The following GSE1 variants were observed in gnomAD, a reference collection of about 807,000 sequenced individuals.
GSE1 encodes the protein genetic suppressor element 1.
GSE1 carries 32 observed loss-of-function variants against 112.6 expected under a neutral mutation model. The observed-to-expected ratio is 0.28, with a 90% CI of 0.21 to 0.38. The LOEUF is 0.38. Among genes scored for constraint, GSE1 ranks in the 10% least tolerant of loss-of-function variants. The probability of loss-of-function intolerance (pLI) is 1.00; values close to 1 mark genes in which losing one functional copy is unlikely to be tolerated. For missense variants in GSE1, 2,348 were observed against 1,699.2 expected (o/e 1.38, Z -6.71); for synonymous variants, 1,115 against 735.6 (o/e 1.52, Z -8.35).
At chr16:85,387,269 C>T (rs1410510801) in intron 2 of GSE1, among the ~76,000 whole-genome samples, 1 of 152,126 alleles carries the variant, frequency 6.6e-6, no homozygotes, top group Non-Finnish European at 1.5e-5. Context: ...CAGTGACTCC[C>T]CAGAACCCCC....
Position 85,312,207 on chromosome 16 carries a change from G to GGGT in GSE1, c.2284-45254_2284-45253insTGG, listed in dbSNP as rs1555559866. Among the ~76,000 whole-genome samples the GGGT allele has an allele frequency of 7.6e-4, 114 of 150,314 alleles. 21 individuals are homozygous for GGGT. The highest frequency in any genetic ancestry group is 2.5e-3 in the African/African-American group (102 of 40,414). ...TGTGGTCTCTCTGATCCTCTTGCGG[G>GGGT]GGGGGGGGGGACACACTTACCCCCA... On this transcript the variant is annotated intron_variant, in intron 1 of 2. Transcript: ENST00000637419.
At position 85,527,033 on chromosome 16, in the gene GSE1, T is replaced by C. The variant is rs75077717; in HGVS notation, c.2465-106881T>C. On this transcript the variant is annotated intron_variant, in intron 2 of 2. Coordinates refer to the GSE1 transcript ENST00000637419. ...AAAATATTGTCCGTGGTGCAGGGAT[T>C]TGGGGAGGGGGTGGCCCTCTCCCTG... Among the ~76,000 whole-genome samples the C allele has an allele frequency of 2.6e-3, 403 of 152,244 alleles. 3 individuals are homozygous for C. Among genetic ancestry groups the C allele is most frequent in the South Asian group, 7.3e-3 (35 of 4,822 alleles).
In GSE1 at chr16:85,596,411, CTG is replaced by C. The variant is rs753525269; in HGVS notation, c.37+40052_37+40053del. On this transcript the variant is annotated intron_variant, in intron 1 of 2. Coordinates refer to the GSE1 transcript ENST00000635906. Reference sequence around the variant, plus strand: ...TGACAGCAGCCGGGCACCTGGCTCACTGTGTTCATCATGTGTGTGCTCGTGTG... The same window carrying C: ...TGACAGCAGCCGGGCACCTGGCTCACTGTTCATCATGTGTGTGCTCGTGTG... Among the ~76,000 whole-genome samples the C allele has an allele frequency of 1.2e-4, 18 of 152,200 alleles. 1 individual carries two copies. The highest frequency in any genetic ancestry group is 1.2e-4 in the Non-Finnish European group (8 of 68,044).
chr16:85,266,097 C>T (rs1908213935), intron 1 of GSE1, among the ~76,000 whole-genome samples: 1 of 152,164 alleles, frequency 6.6e-6, no homozygotes, highest in Non-Finnish European at 1.5e-5. Flanking sequence ...AAGGCCGTTC[C>T]AAGGAGCCCG....
At chr16:85,413,616 C>T in intron 2 of GSE1, among the ~76,000 whole-genome samples, 1 of 152,188 alleles carries the variant, frequency 6.6e-6, no homozygotes. Flanking sequence ...GTATCAATTA[C>T]ATACATGTAC....
Position 85,524,567 on chromosome 16 carries a change from CA to C in GSE1, c.2465-109346del, listed in dbSNP as rs563471722. Among the ~76,000 whole-genome samples, 802 of 152,162 alleles carry C rather than the reference CA, an allele frequency of 5.3e-3. 7 individuals are homozygous for C. The highest frequency in any genetic ancestry group is 0.017 in the African/African-American group (711 of 41,512). ...CGTGTGGGAGGGTGAGGGTGGGGTC[CA>C]GGGGGAGCCGAGGGGTGCTGAGGCC... On this transcript the variant is annotated intron_variant, in intron 2 of 2. Transcript: ENST00000637419.
chr16:85,509,805 C>T (rs1199555897), intron 2 of GSE1, among the ~76,000 whole-genome samples: 1 of 152,030 alleles, frequency 6.6e-6, no homozygotes, highest in Non-Finnish European at 1.5e-5. Flanking sequence ...GTCCCTTCCT[C>T]GCCTCTGTCA....
chr16:85,528,688 G>A (rs1278659095), intron 2 of GSE1, among the ~76,000 whole-genome samples: 1 of 144,614 alleles, frequency 6.9e-6, no homozygotes, highest in Non-Finnish European at 1.5e-5. Context: ...GTTTTTTGAT[G>A]GGGTGGTCAG....
At chr16:85,432,912 C>G (rs1419916212) in intron 2 of GSE1, among the ~76,000 whole-genome samples, 2 of 152,106 alleles carry the variant, frequency 1.3e-5, no homozygotes, top group Non-Finnish European at 2.9e-5. Context: ...TCCTGTGGCT[C>G]CAGGACTTAC....
At chr16:85,327,759 A>G (rs1168466006) in intron 1 of GSE1, among the ~76,000 whole-genome samples, 2 of 152,246 alleles carry the variant, frequency 1.3e-5, no homozygotes, top group African/African-American at 2.4e-5. Context: ...ATGGATTCAT[A>G]CAGGCCATTG....
intron 2 of GSE1, among the ~76,000 whole-genome samples, chr16:85,421,145 T>G (rs1434049462): frequency 6.6e-6 from 1 of 152,172 alleles, no homozygotes; most frequent in Admixed American, 6.5e-5. Flanking sequence ...AAAGTGTGTG[T>G]TAAACCAAGA....
At chr16:85,612,021 G>T (rs1279592417), upstream of GSE1, among the ~76,000 whole-genome samples, 3 of 151,912 alleles carry the variant, frequency 2.0e-5, no homozygotes, top group South Asian at 4.1e-4. Context: ...CGGCCGCCCA[G>T]GGGGTGCTGG....
intron 2 of GSE1, among the ~76,000 whole-genome samples, chr16:85,446,453 G>A (rs1193043261): frequency 6.6e-6 from 1 of 152,198 alleles, no homozygotes; most frequent in Non-Finnish European, 1.5e-5. Context: ...GATAGGCATG[G>A]GTGGGTGATG....
At chr16:85,206,631 C>T (rs2075121122) in intron 1 of GSE1, among the ~76,000 whole-genome samples, 2 of 152,144 alleles carry the variant, frequency 1.3e-5, no homozygotes, top group Admixed American at 6.5e-5. Flanking sequence ...ACAGCATGGG[C>T]TTCAGCCCCT....
chr16:85,179,230 C>T (rs190374380), intron 1 of GSE1, among the ~76,000 whole-genome samples: 1 of 152,166 alleles, frequency 6.6e-6, no homozygotes, highest in Non-Finnish European at 1.5e-5. Flanking sequence ...CCGTTCTGGT[C>T]GTCTCTTGTG....
At chr16:85,200,206 G>A (rs887231394) in intron 1 of GSE1, among the ~76,000 whole-genome samples, 3 of 152,018 alleles carry the variant, frequency 2.0e-5, no homozygotes, top group Non-Finnish European at 4.4e-5. Context: ...GTTTGTCCTT[G>A]GGGCCCAGTT....
intron 1 of GSE1, among the ~76,000 whole-genome samples, chr16:85,221,972 G>A (rs2075401710): frequency 6.6e-6 from 1 of 152,106 alleles, no homozygotes; most frequent in African/African-American, 2.4e-5. Flanking sequence ...GTGACCAGGT[G>A]GGCTGGCCTC....
intron 1 of GSE1, among the ~76,000 whole-genome samples, chr16:85,338,294 C>A (rs1438245265): frequency 6.6e-6 from 1 of 152,224 alleles, no homozygotes; most frequent in African/African-American, 2.4e-5. Context: ...AGCTGGTGAA[C>A]CTCTTTCCTG....
At chr16:85,403,547 T>G (rs1293970612) in intron 2 of GSE1, among the ~76,000 whole-genome samples, 1 of 152,086 alleles carries the variant, frequency 6.6e-6, no homozygotes, top group African/African-American at 2.4e-5. Context: ...CCCAGCACTT[T>G]GGGAGGCTGA....
Sources: allele counts gnomAD v4.1 joint callset (sites outside exome capture counted in the v4.1 genomes callset), GRCh38; gene constraint gnomAD v4.1.1; transcripts MANE v1.5; gene names NCBI Gene and HGNC (gene_info 2026-07-23, HGNC 2026-07-21).